The following AKAP11 variants were observed in gnomAD, a reference collection of about 807,000 sequenced individuals.
AKAP11 encodes A-kinase anchor protein 11.
A neutral mutation model predicts 146.1 loss-of-function variants in AKAP11; 36 were observed. That is an observed-to-expected ratio of 0.25 (90% CI 0.19 to 0.33). AKAP11 has a LOEUF of 0.33. Ranked by LOEUF, AKAP11 falls within the 10% of genes least tolerant of loss-of-function variation. The pLI is 1.00. For missense variants in AKAP11, 2,201 were observed against 2,197.0 expected (o/e 1.00, Z -0.04); for synonymous variants, 780 against 786.5 (o/e 0.99, Z 0.14).
intron 9 of AKAP11, among the ~76,000 whole-genome samples, chr13:42,312,045 C>T (rs1960591497): frequency 1.3e-5 from 2 of 152,054 alleles, no homozygotes; most frequent in Admixed American, 1.3e-4. Flanking sequence ...TACTGATGTA[C>T]ATAAAATGAT....
intron 1 of AKAP11, among the ~76,000 whole-genome samples, chr13:42,277,350 A>G (rs1027112007): frequency 6.6e-6 from 1 of 152,222 alleles, no homozygotes; most frequent in African/African-American, 2.4e-5. Flanking sequence ...GATTATTCTA[A>G]TTAACTTCTA....
intron 3 of AKAP11, among the ~76,000 whole-genome samples, chr13:42,288,972 G>A (rs1231360871): frequency 1.3e-5 from 2 of 152,160 alleles, no homozygotes; most frequent in Non-Finnish European, 2.9e-5. Flanking sequence ...CCCATGATCA[G>A]TGATGCTATG....
chr13:42,304,000 G>A, intron 8 of AKAP11, 137 bp downstream of exon 8: 4 of 1,148,322 alleles, frequency 3.5e-6, no homozygotes, highest in Non-Finnish European at 4.8e-6. Context: ...TTGCATTTAT[G>A]TATTGTTTCA....
intron 3 of AKAP11, among the ~76,000 whole-genome samples, chr13:42,286,898 T>C (rs984982270): frequency 1.3e-5 from 2 of 152,226 alleles, no homozygotes; most frequent in African/African-American, 4.8e-5. Flanking sequence ...ATTTTTGTCT[T>C]TGCTAAAACT....
chr13:42,295,953 T>A (rs1235940631), intron 5 of AKAP11, among the ~76,000 whole-genome samples: 1 of 152,194 alleles, frequency 6.6e-6, no homozygotes, highest in Non-Finnish European at 1.5e-5. Context: ...TGTTTTTAGT[T>A]AAGATTGAGT....
In AKAP11 at chr13:42,301,621, C is replaced by T; in HGVS notation, c.2875C>T (p.Pro959Ser). The T allele has an allele frequency of 1.2e-6, 2 of 1,613,916 alleles. No homozygotes were observed. Among genetic ancestry groups the T allele is most frequent in the East Asian group, 2.2e-5 (1 of 44,880 alleles). Residue 959 changes from proline to serine, a missense_variant, in exon 8 of 13, where the codon CCA becomes TCA. Physicochemically the swap from Pro to Ser is moderately conservative, Grantham distance 74. Coordinates refer to ENST00000025301, the MANE Select transcript of AKAP11 (RefSeq NM_016248.4). The stretch of plus-strand genomic sequence containing the variant: ...CATAGATAAGAGCAAATCAGTGATC[C>T]CAAATATAGATAAAAATGCAGTATA... ...HSIDKSKSVIPNIDKNAVYKE... is the reference protein window; with the variant it reads ...HSIDKSKSVISNIDKNAVYKE...
Position 42,314,667 on chromosome 13 carries a change from C to T in AKAP11, c.5404+727C>T, listed in dbSNP as rs191361438. 4.9e-3 allele frequency among the ~76,000 whole-genome samples: 749 copies of T among 152,134 alleles called. 8 individuals are homozygous for T. Among genetic ancestry groups the T allele is most frequent in the South Asian group, 0.021 (99 of 4,814 alleles). On this transcript the variant is annotated intron_variant, in intron 11 of 12. Transcript: ENST00000025301. ...GAACCAGGGTTTCATGTCAAACTTA[C>T]GTGAGTCAGTAAGTAATATTTTTAC...
chr13:42,317,557 A>C lies in AKAP11; in HGVS notation c.5434A>C (p.Ile1812Leu). ...GLGQDGKTLLITNIDMEPCTV... is the reference protein window; with the variant it reads ...GLGQDGKTLLLTNIDMEPCTV... ...GGGGCAAGATGGAAAGACACTGCTA[A>C]TTACGAATATTGACATGGAGCCATG... Residue 1812 changes from isoleucine (I) to leucine (L), a missense_variant, in exon 12 of 13, where the codon ATT (isoleucine) becomes CTT (leucine). Around this residue, in one of 3 missense-constraint regions of AKAP11, gnomAD observed 1,867 missense variants for 1,833.5 expected, o/e 1.02. Coordinates refer to ENST00000025301, the MANE Select transcript of AKAP11 (RefSeq NM_016248.4). The C allele has an allele frequency of 1.2e-6, 2 of 1,613,996 alleles. No individual in the cohort carries two copies. Among genetic ancestry groups the C allele is most frequent in the Non-Finnish European group, 1.7e-6 (2 of 1,179,964 alleles).
intron 4 of AKAP11, among the ~76,000 whole-genome samples, chr13:42,295,195 T>A (rs1245673052): frequency 1.3e-5 from 2 of 152,118 alleles, no homozygotes; most frequent in Non-Finnish European, 2.9e-5. Context: ...GGAAGAGAGA[T>A]CCAGATTGAG....
At chr13:42,274,159 G>GT (rs1339154458) in intron 1 of AKAP11, among the ~76,000 whole-genome samples, 7 of 151,748 alleles carry the variant, frequency 4.6e-5, no homozygotes, top group Non-Finnish European at 7.4e-5. Flanking sequence ...AACTGATTTT[G>GT]TTTTTTTTCC....
At chr13:42,317,179 C>T (rs1960863014) in intron 11 of AKAP11, among the ~76,000 whole-genome samples, 1 of 152,064 alleles carries the variant, frequency 6.6e-6, no homozygotes, top group South Asian at 2.1e-4. Context: ...TGCCCAGCCT[C>T]ATTTTTATTT....
At chr13:42,295,627 C>A (rs1013209279) in intron 4 of AKAP11, 68 bp from the exon 5 acceptor site, 2 of 1,427,706 alleles carry the variant, frequency 1.4e-6, no homozygotes, top group Non-Finnish European at 2.0e-6. Context: ...TCCTGTTTGT[C>A]AGCTCTGTCA....
intron 6 of AKAP11, among the ~76,000 whole-genome samples, chr13:42,298,276 G>A (rs1487824868): frequency 6.6e-6 from 1 of 152,030 alleles, no homozygotes; most frequent in African/African-American, 2.4e-5. Flanking sequence ...GGAATGGATA[G>A]TAAGTTTCAT....
chr13:42,292,512 C>T lies in AKAP11; in HGVS notation c.168+11C>T. ...GCCAATTTAACTGAGGTTTAACATA[C>T]TACTTTCTAAACCCTTTCCTAATAA... On this transcript the variant is annotated intron_variant, in intron 4 of 12. Coordinates refer to ENST00000025301, the MANE Select transcript of AKAP11 (RefSeq NM_016248.4). 6.7e-7 allele frequency: 1 copy of T among 1,491,656 alleles called. No homozygotes were observed. The highest frequency in any genetic ancestry group is 9.2e-7 in the Non-Finnish European group (1 of 1,083,788). The allele number at this position is 1,491,656 out of a possible 1,614,324, so 92.4% of individuals were successfully genotyped here.
Position 42,300,392 on chromosome 13 carries a change from G to C in AKAP11, c.1646G>C (p.Ser549Thr). 2 of 1,610,820 alleles carry C rather than the reference G, an allele frequency of 1.2e-6. No individual in the cohort carries two copies. The highest frequency in any genetic ancestry group is 1.7e-6 in the Non-Finnish European group (2 of 1,179,120). ...AATAAATCCTTAATGATTAAAGATA[G>C]CATTCAAAAATTTGCAGCAGATCTT... ...SKNKSLMIKDSIQKFAADLVE... is the reference protein window; with the variant it reads ...SKNKSLMIKDTIQKFAADLVE... Residue 549 changes from serine (S) to threonine (T), a missense_variant, in exon 8 of 13, where the codon AGC (serine) becomes ACC (threonine). Ser to Thr is a moderately conservative substitution (Grantham distance 58). This residue lies in a region of AKAP11 where 1,867 missense variants were observed against 1,833.5 expected (regional missense o/e 1.02). Coordinates refer to ENST00000025301, the MANE Select transcript of AKAP11 (RefSeq NM_016248.4).
At chr13:42,298,511 AT>A in intron 6 of AKAP11, 21 bp from the exon 7 acceptor site, 1 of 1,601,828 alleles carries the variant, frequency 6.2e-7, no homozygotes, top group Non-Finnish European at 8.5e-7. Flanking sequence ...AATTGTTTTT[AT>A]TATCTTTTAT....
At chr13:42,292,136 G>A (rs912728174) in intron 3 of AKAP11, among the ~76,000 whole-genome samples, 1 of 152,172 alleles carries the variant, frequency 6.6e-6, no homozygotes, top group African/African-American at 2.4e-5. Context: ...GAGATCTCAC[G>A]TGATCTTCTA....
At chr13:42,290,637 T>C (rs1398219596) in intron 3 of AKAP11, among the ~76,000 whole-genome samples, 1 of 152,230 alleles carries the variant, frequency 6.6e-6, no homozygotes, top group Non-Finnish European at 1.5e-5. Context: ...TTTGTCTCTT[T>C]TAATGGACTC....
intron 1 of AKAP11, among the ~76,000 whole-genome samples, chr13:42,279,667 C>T (rs1021082383): frequency 3.9e-5 from 6 of 152,118 alleles, no homozygotes; most frequent in Non-Finnish European, 8.8e-5. Context: ...TCATCACTGT[C>T]ATTTCTAGGT....
Sources: gnomAD v4.1 joint callset for allele counts (sites outside exome capture counted in the v4.1 genomes callset) on GRCh38, gnomAD v4.1.1 for gene constraint, gnomAD v4.1.1 regional missense constraint, MANE v1.5 for transcripts, NCBI Gene and HGNC (gene_info 2026-07-23, HGNC 2026-07-21) for gene names.